The following MEGF11 variants were observed in gnomAD, a reference collection of about 807,000 sequenced individuals.
MEGF11 encodes the protein multiple EGF like domains 11.
MEGF11 carries 126 observed loss-of-function variants against 146.6 expected under a neutral mutation model. That is an observed-to-expected ratio of 0.86 (90% CI 0.74 to 1.00). The LOEUF (loss-of-function observed/expected upper bound fraction) is 1.00, where lower values mean the gene tolerates loss of function less well. Ranked by LOEUF, MEGF11 falls within the 50% of genes least tolerant of loss-of-function variation. The pLI is 0.00. For missense variants in MEGF11, 1,509 were observed against 1,521.2 expected (o/e 0.99, Z 0.13); for synonymous variants, 532 against 583.4 (o/e 0.91, Z 1.27).
intron 5 of MEGF11, among the ~76,000 whole-genome samples, chr15:66,087,324 C>G (rs943552765): frequency 1.1e-4 from 16 of 152,176 alleles, no homozygotes; most frequent in African/African-American, 3.9e-4. Flanking sequence ...AACAAATGGA[C>G]TTAACAGGTA....
At chr15:65,900,004 C>T (rs2078455369) in intron 24 of MEGF11, among the ~76,000 whole-genome samples, 2 of 152,104 alleles carry the variant, frequency 1.3e-5, no homozygotes, top group South Asian at 4.2e-4. Flanking sequence ...GCCTCTGTAC[C>T]ATTCTCTGTT....
chr15:66,211,683 G>A (rs752706006), intron 1 of MEGF11, among the ~76,000 whole-genome samples: 15 of 151,532 alleles, frequency 9.9e-5, no homozygotes, highest in Non-Finnish European at 1.6e-4. Flanking sequence ...CTGATTGGTC[G>A]GTGCTATGAT....
chr15:66,116,903 G>A (rs2087757615), intron 4 of MEGF11, among the ~76,000 whole-genome samples: 1 of 152,200 alleles, frequency 6.6e-6, no homozygotes, highest in East Asian at 1.9e-4. Context: ...TTCGTGAAGA[G>A]ACAAGCAGCC....
At chr15:66,071,227 C>G (rs1411873830) in intron 5 of MEGF11, among the ~76,000 whole-genome samples, 1 of 152,202 alleles carries the variant, frequency 6.6e-6, no homozygotes, top group African/African-American at 2.4e-5. Context: ...ATGACTATGC[C>G]TGTCTCTCTC....
intron 5 of MEGF11, among the ~76,000 whole-genome samples, chr15:65,984,942 T>G (rs2081801874): frequency 6.6e-6 from 1 of 151,992 alleles, no homozygotes; most frequent in Non-Finnish European, 1.5e-5. Context: ...CTAATTTTTG[T>G]ATTTTTAGTA....
At chr15:66,065,424 T>G (rs2085082250) in intron 5 of MEGF11, among the ~76,000 whole-genome samples, 1 of 152,196 alleles carries the variant, frequency 6.6e-6, no homozygotes, top group African/African-American at 2.4e-5. Context: ...CCCCCTGCAC[T>G]TTTGTGTCCT....
At chr15:65,912,350 T>C (rs1487261745) in intron 20 of MEGF11, 150 bp from the exon 21 acceptor site, 1 of 415,676 alleles carries the variant, frequency 2.4e-6, no homozygotes, top group African/African-American at 2.0e-5. Flanking sequence ...TGGCATCCAC[T>C]ACTCCTACTG....
intron 1 of MEGF11, among the ~76,000 whole-genome samples, chr15:66,189,853 C>G (rs1014467343): frequency 1.2e-4 from 18 of 151,726 alleles, no homozygotes; most frequent in Admixed American, 3.9e-4. Flanking sequence ...AAATCCCACT[C>G]GAAAGCAATC....
chr15:66,099,736 T>C (rs74444176), intron 4 of MEGF11, among the ~76,000 whole-genome samples: 1,868 of 152,296 alleles, frequency 0.012, 34 homozygotes, highest in African/African-American at 0.041. Context: ...TTGCTGTTGT[T>C]ATTAATATTC....
In MEGF11 at chr15:65,918,022, G is replaced by A; in HGVS notation, c.2030C>T (p.Pro677Leu). 6.2e-7 allele frequency: 1 copy of A among 1,613,998 alleles called. No homozygotes were observed. Residue 677 changes from proline (P) to leucine (L), a missense_variant, in exon 16 of 26, where the codon CCT (proline) becomes CTT (leucine). Physicochemically the swap from Pro to Leu is moderately conservative, Grantham distance 98 (BLOSUM62 -3). Transcript: ENST00000395614. ...AAAGCACTGGCAGGAGCCATCGATA[G>A]GGCTGCAGGTCCCGTTGTTGGCACA... ...CSCANNGTCS[P>L]IDGSCQCFPG...
rs150945752 is a variant in MEGF11, at chr15:65,913,823, C to T, written c.2624G>A (p.Arg875Gln). ...LLGLFAWHRR[R>Q]QKEKGRDLAP... is the part of the protein sequence containing the mutation. ...CAGGTCTCGGCCCTTCTCTTTCTGC[C>T]GCCGCCGATGCCAGGCAAATAGGCC... The change falls in exon 20 of 26, where the codon CGG (arginine) becomes CAG (glutamine). Residue 875 changes from arginine (R) to glutamine (Q), a missense_variant. Arg to Gln is a conservative substitution (Grantham distance 43, BLOSUM62 1). Coordinates refer to ENST00000395614, the MANE Select transcript of MEGF11 (RefSeq NM_001385028.1). The T allele has an allele frequency of 4.4e-5, 71 of 1,613,944 alleles. No individual in the cohort carries two copies. Among genetic ancestry groups the T allele is most frequent in the African/African-American group, 2.7e-4 (20 of 75,014 alleles).
intron 5 of MEGF11, among the ~76,000 whole-genome samples, chr15:66,089,989 T>C (rs191053034): frequency 6.6e-6 from 1 of 152,210 alleles, no homozygotes; most frequent in Non-Finnish European, 1.5e-5. Context: ...CATTTCCCCA[T>C]AGTGGTCCAT....
chr15:66,049,748 G>A (rs1012560793), intron 5 of MEGF11, among the ~76,000 whole-genome samples: 8 of 152,164 alleles, frequency 5.3e-5, no homozygotes, highest in Non-Finnish European at 1.5e-5. Context: ...CAACTGGGAT[G>A]GGGCCCAGAG....
chr15:65,965,412 G>A, intron 8 of MEGF11: 1 of 372,176 alleles, frequency 2.7e-6, no homozygotes, highest in Non-Finnish European at 4.8e-6. Flanking sequence ...TAAAGTTGTG[G>A]TGAAATATAC....
chr15:65,964,601 C>G (rs761394164), intron 9 of MEGF11, among the ~76,000 whole-genome samples: 16 of 152,196 alleles, frequency 1.1e-4, no homozygotes, highest in Non-Finnish European at 2.2e-4. Flanking sequence ...TGTGCTCCAC[C>G]CCACCTCCTT....
chr15:66,160,712 C>T (rs988114574), intron 1 of MEGF11, among the ~76,000 whole-genome samples: 1 of 151,336 alleles, frequency 6.6e-6, no homozygotes, highest in African/African-American at 2.4e-5. Context: ...CACACCCTTG[C>T]CCTAGGAATT....
intron 1 of MEGF11, among the ~76,000 whole-genome samples, chr15:66,160,242 C>CCTCTCTCTCT (rs143653192): frequency 0.064 from 8,476 of 133,224 alleles, 393 homozygotes; most frequent in East Asian, 0.18. Flanking sequence ...AAGGAAAAGC[C>CCTCTCTCTCT]CTCTCTCTCT....
chr15:66,101,146 T>C (rs370203097), intron 4 of MEGF11, among the ~76,000 whole-genome samples: 2 of 151,696 alleles, frequency 1.3e-5, no homozygotes, highest in African/African-American at 4.8e-5. Flanking sequence ...CCTGAGAGAG[T>C]AGACACTTCT....
At chr15:66,201,217 T>C (rs2091149091) in intron 1 of MEGF11, among the ~76,000 whole-genome samples, 1 of 152,064 alleles carries the variant, frequency 6.6e-6, no homozygotes, top group African/African-American at 2.4e-5. Context: ...CCACCACAAG[T>C]CCAGCTCACC....
Sources: gnomAD v4.1 joint callset for allele counts (sites outside exome capture counted in the v4.1 genomes callset) on GRCh38, gnomAD v4.1.1 for gene constraint, MANE v1.5 for transcripts, NCBI Gene and HGNC (gene_info 2026-07-23, HGNC 2026-07-21) for gene names.